DMD: variants seen among roughly 807,000 people sequenced by gnomAD.
DMD encodes the protein dystrophin.
A neutral mutation model predicts 330.1 loss-of-function variants in DMD; 63 were observed. The observed-to-expected ratio is 0.19, with a 90% CI of 0.16 to 0.24. The LOEUF (loss-of-function observed/expected upper bound fraction) is 0.24, where lower values mean the gene tolerates loss of function less well. DMD is among the 10% of genes least tolerant of loss of function. DMD has a pLI of 1.00. For synonymous variants in DMD, 1,223 were observed against 959.8 expected (o/e 1.27, Z -5.07); for missense variants, 3,344 against 2,684.1 (o/e 1.25, Z -5.43).
intron 1 of DMD, among the ~76,000 whole-genome samples, chrX:33,022,687 A>G (rs1602793113): frequency 9.0e-6 from 1 of 111,501 alleles, no homozygotes; most frequent in African/African-American, 3.2e-5. Flanking sequence ...GCTGAGAAGG[A>G]ATAAAGCTAT....
At chrX:32,315,302 C>A (rs1422080529) in intron 41 of DMD, among the ~76,000 whole-genome samples, 3 of 111,154 alleles carry the variant, frequency 2.7e-5, no homozygotes, top group African/African-American at 9.8e-5. Flanking sequence ...AAACCAAACA[C>A]TGCATGTTCT....
At chrX:31,793,351 C>T (rs1053694121) in intron 50 of DMD, among the ~76,000 whole-genome samples, 25 of 111,156 alleles carry the variant, frequency 2.2e-4, no homozygotes, top group Admixed American at 6.7e-4. Context: ...CCTAGAGCTT[C>T]TCTGCCTCCT....
At chrX:32,390,660 C>A (rs768887094) in intron 30 of DMD, among the ~76,000 whole-genome samples, 12 of 111,182 alleles carry the variant, frequency 1.1e-4, no homozygotes, top group Non-Finnish European at 1.9e-4. Context: ...GTGGAAAATA[C>A]TCCTTAATTA....
chrX:32,319,086 G>A (rs908285355), intron 41 of DMD, among the ~76,000 whole-genome samples: 6 of 111,423 alleles, frequency 5.4e-5, no homozygotes, highest in South Asian at 3.7e-4. Context: ...AAAGTCTTTC[G>A]TTTCAAAGGA....
chrX:31,742,029 G>T (rs765251136), intron 51 of DMD, among the ~76,000 whole-genome samples: 1 of 112,083 alleles, frequency 8.9e-6, no homozygotes, highest in African/African-American at 3.2e-5. Flanking sequence ...TAAGGCTCAT[G>T]AACATACTTC....
intron 60 of DMD, among the ~76,000 whole-genome samples, chrX:31,431,555 G>A (rs1011779379): frequency 9.0e-5 from 10 of 110,501 alleles, no homozygotes; most frequent in East Asian, 2.9e-4. Context: ...GTGCCACCAC[G>A]CCCAGCTAAT....
rs531658243 is a variant in DMD, at chrX:32,637,950, T to A, written c.1331+6182A>T. Among the ~76,000 whole-genome samples, 15 of 112,216 alleles carry A rather than the reference T, an allele frequency of 1.3e-4. No homozygotes were observed. The South Asian group carries it at 5.6e-3, about 42-fold the overall frequency. ...GTTTTTGAAGATACGGCTCTCTCAT[T>A]TCTGTGAATTCCAGAAATTTAGCTT... On this transcript the variant is annotated intron_variant, in intron 11 of 78. Coordinates refer to ENST00000357033, the MANE Select transcript of DMD (RefSeq NM_004006.3).
intron 1 of DMD, among the ~76,000 whole-genome samples, chrX:33,204,165 T>C (rs12006763): frequency 0.025 from 2,767 of 111,642 alleles, 82 homozygotes; most frequent in African/African-American, 0.085. Context: ...AAAATACAAA[T>C]ATGTTTACAT....
chrX:31,571,254 GGTGTGTGTGT>G (rs371098859), intron 55 of DMD, among the ~76,000 whole-genome samples: 1,941 of 90,425 alleles, frequency 0.021, 19 homozygotes, highest in Middle Eastern at 0.048. Flanking sequence ...GATTTAAAGG[GGTGTGTGTGT>G]GTGTGTGTGT....
rs971086737 is a variant in DMD, at chrX:33,083,888, C to A, written c.32-63688G>T. 5.7e-5 allele frequency among the ~76,000 whole-genome samples: 6 copies of A among 105,166 alleles called. No homozygotes were observed. In the South Asian group the frequency reaches 2.3e-3, roughly 41 times the overall value. 91.3% of individuals were successfully genotyped at this position (105,166 alleles called of 115,157 possible). On this transcript the variant is annotated intron_variant, in intron 1 of 78. Coordinates refer to ENST00000357033, the MANE Select transcript of DMD (RefSeq NM_004006.3). ...ACAGAGACACCCCATGCTGGATCTA[C>A]AGACACCCCACAATGGGGCTACAGA... is the stretch of plus-strand genomic sequence containing the variant.
At chrX:32,238,434 A>C (rs944752503) in intron 43 of DMD, among the ~76,000 whole-genome samples, 6 of 103,756 alleles carry the variant, frequency 5.8e-5, no homozygotes, top group Non-Finnish European at 9.8e-5. Flanking sequence ...CCCACAGAAG[A>C]AGCAATGCAT....
At chrX:32,257,105 C>A (rs1336442806) in intron 43 of DMD, among the ~76,000 whole-genome samples, 1 of 111,743 alleles carries the variant, frequency 8.9e-6, no homozygotes, top group Non-Finnish European at 1.9e-5. Flanking sequence ...ATACAACTTA[C>A]AAGGGATGTG....
chrX:32,084,368 T>C (rs1272520408), intron 44 of DMD, among the ~76,000 whole-genome samples: 1 of 111,184 alleles, frequency 9.0e-6, no homozygotes, highest in Non-Finnish European at 1.9e-5. Flanking sequence ...GAGCTGCATC[T>C]CATTCACCTC....
chrX:32,067,435 T>C (rs963103560), intron 44 of DMD, among the ~76,000 whole-genome samples: 4 of 110,975 alleles, frequency 3.6e-5, no homozygotes, highest in Non-Finnish European at 7.6e-5. Context: ...AGGTTTGGGA[T>C]ACAAATGATC....
chrX:32,138,257 A>G (rs1183137083), intron 44 of DMD, among the ~76,000 whole-genome samples: 1 of 110,585 alleles, frequency 9.0e-6, no homozygotes, highest in African/African-American at 3.3e-5. Flanking sequence ...TTTTTTTCAA[A>G]TCCTATTTAT....
intron 74 of DMD, among the ~76,000 whole-genome samples, chrX:31,164,840 C>T (rs1394312878): frequency 9.0e-6 from 1 of 111,324 alleles, no homozygotes; most frequent in African/African-American, 3.3e-5. Context: ...ACACCCTTCC[C>T]GACCTGCCCT....
At chrX:31,367,448 T>C (rs2059323580) in intron 60 of DMD, among the ~76,000 whole-genome samples, 1 of 111,010 alleles carries the variant, frequency 9.0e-6, no homozygotes, top group Non-Finnish European at 1.9e-5. Context: ...AACCTAGCAT[T>C]TTCCCTCAGA....
chrX:32,507,897 T>G (rs1021122258), intron 18 of DMD, among the ~76,000 whole-genome samples: 2 of 111,031 alleles, frequency 1.8e-5, no homozygotes, highest in African/African-American at 6.5e-5. Context: ...AAGTTTTAGA[T>G]TCAATATTAG....
intron 16 of DMD, among the ~76,000 whole-genome samples, chrX:32,547,917 A>T (rs746651394): frequency 8.9e-6 from 1 of 111,892 alleles, no homozygotes; most frequent in Non-Finnish European, 1.9e-5. Context: ...GAATGAAAGC[A>T]GAGTAAATTG....
Sources: gnomAD v4.1 joint callset for allele counts (sites outside exome capture counted in the v4.1 genomes callset) on GRCh38, gnomAD v4.1.1 for gene constraint, MANE v1.5 for transcripts, NCBI Gene and HGNC (gene_info 2026-07-23, HGNC 2026-07-21) for gene names.